Variants in PTER observed in about 807,000 individuals in gnomAD.
The protein encoded by PTER is N-acetyltaurine hydrolase.
Under a neutral mutation model 29.6 loss-of-function variants are expected in PTER, and 38 were observed. That is an observed-to-expected ratio of 1.28 (90% CI 0.99 to 1.68). PTER has a LOEUF of 1.68. Ranked by LOEUF, PTER falls within the 40% of genes most tolerant of loss-of-function variation. PTER has a pLI of 0.00. For missense variants in PTER, 482 were observed against 427.8 expected (o/e 1.13, Z -1.12); for synonymous variants, 172 against 154.5 (o/e 1.11, Z -0.84).
At chr10:16,484,166 C>T (rs1386283978) in intron 1 of PTER, among the ~76,000 whole-genome samples, 171 bp from the exon 2 acceptor site, 1 of 152,090 alleles carries the variant, frequency 6.6e-6, no homozygotes, top group Non-Finnish European at 1.5e-5. Context: ...CTTAGATCTG[C>T]AGTGGGGATA....
At chr10:16,514,313 G>T, downstream of PTER, 1 of 573,958 alleles carries the variant, frequency 1.7e-6, no homozygotes, top group African/African-American at 1.9e-5. Context: ...ATTTGCTTTG[G>T]CGGTAGTGGA....
At chr10:16,461,907 A>G (rs1834626904) in intron 1 of PTER, among the ~76,000 whole-genome samples, 2 of 152,166 alleles carry the variant, frequency 1.3e-5, no homozygotes, top group South Asian at 4.1e-4. Flanking sequence ...ACCTAAAATA[A>G]CAACATTTAT....
intron 4 of PTER, among the ~76,000 whole-genome samples, chr10:16,508,303 C>T (rs866520208): frequency 2.6e-5 from 4 of 152,060 alleles, no homozygotes; most frequent in Admixed American, 6.5e-5. Flanking sequence ...CTCCTGACCT[C>T]GTGATCCGCC....
intron 1 of PTER, chr10:16,476,256 G>C (rs1030818863): frequency 2.6e-5 from 4 of 152,020 alleles, no homozygotes; most frequent in African/African-American, 9.7e-5. Context: ...GCTAATTTTT[G>C]TATTTTTAGT....
rs139817323 is a variant in PTER at position 16,466,513 on chromosome 10, G to A, written c.-48-17824G>A. Among the ~76,000 whole-genome samples the A allele has an allele frequency of 2.6e-3, 392 of 152,158 alleles. 3 individuals carry two copies. Among genetic ancestry groups the A allele is most frequent in the African/African-American group, 9.2e-3 (380 of 41,522 alleles). Reference sequence around the variant, plus strand: ...TGGGATTACAGGCATGGGCCACCACGCCCAGCTAATTTTTGTATTATTAGT... The same window carrying A: ...TGGGATTACAGGCATGGGCCACCACACCCAGCTAATTTTTGTATTATTAGT... On this transcript the variant is annotated intron_variant, in intron 1 of 4. Transcript: ENST00000535784.
At chr10:16,447,266 T>C (rs1834049718) in intron 1 of PTER, among the ~76,000 whole-genome samples, 1 of 151,736 alleles carries the variant, frequency 6.6e-6, no homozygotes, top group Non-Finnish European at 1.5e-5. Context: ...CCTAATTTTT[T>C]TTTTTTTACT....
chr10:16,513,178 A>G lies in PTER; in HGVS notation c.*1922A>G, dbSNP rs760484115. The stretch of plus-strand genomic sequence containing the variant: ...CTTAACTTACAGACCTGTGAAATAA[A>G]GGGCATTTTGACCTAATACAATTAA... On this transcript the variant is annotated 3_prime_UTR_variant, in exon 5 of 5. Transcript: ENST00000535784. 10 of 152,230 alleles carry G rather than the reference A, an allele frequency of 6.6e-5. No homozygotes were observed. The highest frequency in any genetic ancestry group is 1.2e-4 in the Non-Finnish European group (8 of 67,990). The allele number at this position is 152,230 out of a possible 1,614,324, so 9.4% of individuals were successfully genotyped here. A position where few individuals can be genotyped will look rare whatever the true frequency, so the allele number is the denominator to read the frequency against.
Position 16,492,439 on chromosome 10 carries a change from G to A in PTER, c.698+5822G>A, listed in dbSNP as rs555890777. ...TAATGATAGCACTGCCTTGGCCTCC[G>A]GTCTAATACAGGCTAGATGCGATTA... On this transcript the variant is annotated intron_variant, in intron 3 of 4. Transcript: ENST00000535784. Among the ~76,000 whole-genome samples, 16 of 152,058 alleles carry A rather than the reference G, an allele frequency of 1.1e-4. 1 individual carries two copies. The highest frequency in any genetic ancestry group is 9.7e-4 in the East Asian group (5 of 5,172).
chr10:16,493,664 G>A (rs1240427942), intron 3 of PTER, among the ~76,000 whole-genome samples: 2 of 151,642 alleles, frequency 1.3e-5, no homozygotes, highest in Non-Finnish European at 2.9e-5. Flanking sequence ...CATGCAGAAC[G>A]TATGGAAGGA....
chr10:16,472,017 A>G (rs148916108), intron 1 of PTER, among the ~76,000 whole-genome samples: 464 of 152,252 alleles, frequency 3.0e-3, no homozygotes, highest in Non-Finnish European at 4.6e-3. Context: ...CAATCTTCCT[A>G]TTTTCACAAA....
At chr10:16,437,255 TGTG>T in intron 1 of PTER, 1 of 152,024 alleles carries the variant, frequency 6.6e-6, no homozygotes, top group African/African-American at 2.4e-5. Context: ...GCCAGTCCCG[TGTG>T]GCGCCAGCTC....
chr10:16,508,070 C>CT (rs56800279), intron 4 of PTER, among the ~76,000 whole-genome samples: 46,821 of 127,780 alleles, frequency 0.37, 9,605 homozygotes, highest in South Asian at 0.51. Flanking sequence ...TTTTCTTTTT[C>CT]TTTTTTTTTT....
chr10:16,456,123 G>T (rs1834386354), intron 1 of PTER, among the ~76,000 whole-genome samples: 1 of 152,142 alleles, frequency 6.6e-6, no homozygotes, highest in African/African-American at 2.4e-5. Context: ...TTCTGTTAAT[G>T]CTACCAGAGA....
Position 16,511,117 on chromosome 10 carries a change from G to A in PTER, c.911G>A (p.Arg304Gln), listed in dbSNP as rs373285172. ...GCACATGACATACATACGAAAACCC[G>A]GCTGATGAAATATGGAGGTCACGGC... ...LVAHDIHTKT[R>Q]LMKYGGHGYS... The change falls in exon 5 of 5, where the codon CGG becomes CAG. Residue 304 changes from arginine (R) to glutamine (Q), a missense_variant. Coordinates refer to ENST00000535784, the MANE Select transcript of PTER (RefSeq NM_001261836.2). The A allele has an allele frequency of 7.4e-5, 120 of 1,614,058 alleles. No individual in the cohort carries two copies. In the East Asian group the frequency reaches 1.5e-3, roughly 20 times the overall value.
intron 1 of PTER, among the ~76,000 whole-genome samples, chr10:16,449,463 A>G (rs543203688): frequency 8.6e-6 from 1 of 116,784 alleles, no homozygotes; most frequent in Admixed American, 1.3e-4. Context: ...ACGGAGTCTC[A>G]CTCACTCCGT....
chr10:16,455,245 A>T (rs1834354746), intron 1 of PTER, among the ~76,000 whole-genome samples: 1 of 152,176 alleles, frequency 6.6e-6, no homozygotes, highest in African/African-American at 2.4e-5. Context: ...AAACAAAAAA[A>T]AAATGAATAA....
At chr10:16,480,206 T>TTC (rs1430885597) in intron 1 of PTER, among the ~76,000 whole-genome samples, 2 of 150,080 alleles carry the variant, frequency 1.3e-5, no homozygotes, top group Non-Finnish European at 3.0e-5. Context: ...TTTTTTTTTT[T>TTC]TGAGATAGAG....
chr10:16,457,781 T>G lies in PTER; in HGVS notation c.-49+20734T>G, dbSNP rs960639042. Among the ~76,000 whole-genome samples the G allele has an allele frequency of 5.9e-5, 9 of 151,890 alleles. No homozygotes were observed. The South Asian group carries it at 1.9e-3, about 31-fold the overall frequency. On this transcript the variant is annotated intron_variant, in intron 1 of 4. Coordinates refer to ENST00000535784, the MANE Select transcript of PTER (RefSeq NM_001261836.2). ...CACCTGTAGTGTGGTGGCTAATTTT[T>G]GTATTTTTAGTAGAGACGGGATTTC...
intron 1 of PTER, among the ~76,000 whole-genome samples, chr10:16,482,703 C>T (rs1835525035): frequency 6.6e-6 from 1 of 152,154 alleles, no homozygotes; most frequent in Non-Finnish European, 1.5e-5. Context: ...CCTGATTTTG[C>T]TCTTGGCCAT....
Sources: allele counts gnomAD v4.1 joint callset (sites outside exome capture counted in the v4.1 genomes callset), GRCh38; gene constraint gnomAD v4.1.1; transcripts MANE v1.5; gene names NCBI Gene and HGNC (gene_info 2026-07-23, HGNC 2026-07-21).